Variants in GABRB1 observed in about 807,000 individuals in gnomAD.
GABRB1 encodes gamma-aminobutyric acid type A receptor subunit beta1.
Under a neutral mutation model 51.6 loss-of-function variants are expected in GABRB1, and 17 were observed. That is an observed-to-expected ratio of 0.33 (90% confidence interval 0.23 to 0.49). The LOEUF (loss-of-function observed/expected upper bound fraction) is 0.49. Among genes scored for constraint, GABRB1 ranks in the 20% least tolerant of loss-of-function variants. The pLI, the probability that GABRB1 is intolerant of heterozygous loss-of-function variation, is 0.99. For missense variants in GABRB1, 410 were observed against 600.6 expected (o/e 0.68, Z 3.32); for synonymous variants, 247 against 218.9 (o/e 1.13, Z -1.14).
rs1056287803 is a variant in GABRB1, at chr4:47,244,398, A to C, written c.462-75729A>C. ...GGTATCAGGATGATGCTGGCCTCAT[A>C]CAATGAGTTAGAGAGGATTCCCTCT... is the stretch of plus-strand genomic sequence containing the variant. On this transcript the variant is annotated intron_variant, in intron 4 of 8. Coordinates refer to ENST00000295454, the MANE Select transcript of GABRB1 (RefSeq NM_000812.4). 9.2e-5 allele frequency among the ~76,000 whole-genome samples: 14 copies of C among 152,268 alleles called. 1 individual carries two copies. Among genetic ancestry groups the C allele is most frequent in the Admixed American group, 7.2e-4 (11 of 15,292 alleles).
intron 1 of GABRB1, among the ~76,000 whole-genome samples, chr4:47,013,361 T>C (rs1167335099): frequency 1.3e-5 from 2 of 152,178 alleles, no homozygotes; most frequent in Admixed American, 6.5e-5. Flanking sequence ...GGTTTCACCA[T>C]GTTGGCCAGG....
intron 4 of GABRB1, among the ~76,000 whole-genome samples, chr4:47,292,494 G>A (rs1388572811): frequency 6.6e-6 from 1 of 152,196 alleles, no homozygotes; most frequent in Non-Finnish European, 1.5e-5. Context: ...CCCCTTGAGG[G>A]CTCTAATAAA....
chr4:47,223,962 G>A (rs989628935), intron 4 of GABRB1, among the ~76,000 whole-genome samples: 1 of 151,942 alleles, frequency 6.6e-6, no homozygotes, highest in Admixed American at 6.6e-5. Flanking sequence ...TGGAAAATAT[G>A]ACTTATTTTT....
At chr4:47,141,391 G>A (rs1234624656) in intron 3 of GABRB1, among the ~76,000 whole-genome samples, 1 of 151,874 alleles carries the variant, frequency 6.6e-6, no homozygotes, top group Non-Finnish European at 1.5e-5. Flanking sequence ...TTGAAATTTA[G>A]AATTTGAGAA....
At chr4:47,291,398 G>A (rs898943988) in intron 4 of GABRB1, among the ~76,000 whole-genome samples, 6 of 152,318 alleles carry the variant, frequency 3.9e-5, no homozygotes, top group Non-Finnish European at 8.8e-5. Context: ...ACCTCTGCTA[G>A]GGCAGTGCAG....
At chr4:47,167,400 C>A (rs376283479) in intron 4 of GABRB1, among the ~76,000 whole-genome samples, 2 of 151,342 alleles carry the variant, frequency 1.3e-5, no homozygotes, top group East Asian at 1.9e-4. Context: ...GAGCATTTAA[C>A]CTCCTTGAAA....
chr4:47,305,344 A>T (rs1724427727), intron 4 of GABRB1, among the ~76,000 whole-genome samples: 1 of 152,164 alleles, frequency 6.6e-6, no homozygotes, highest in Non-Finnish European at 1.5e-5. Context: ...TTTAGTCAGG[A>T]GAAAGAAAAT....
rs77252334 is a variant in GABRB1, at chr4:47,113,822, T to C, written c.241-47427T>C. Among the ~76,000 whole-genome samples, 244 of 152,364 alleles carry C rather than the reference T, an allele frequency of 1.6e-3. 5 individuals are homozygous for C. In the East Asian group the frequency reaches 0.035, roughly 22 times the overall value. On this transcript the variant is annotated intron_variant, in intron 3 of 8. Transcript: ENST00000295454. The stretch of plus-strand genomic sequence containing the variant: ...TTACCAAATATTTTCTATTTTTCAA[T>C]TTATTCAGCCCCGCAGTTCTGTTTT...
intron 3 of GABRB1, among the ~76,000 whole-genome samples, chr4:47,091,581 C>T (rs1229609350): frequency 1.3e-5 from 2 of 152,264 alleles, no homozygotes; most frequent in East Asian, 3.9e-4. Context: ...GTTCCTCCAG[C>T]TAGAAGCCAC....
intron 3 of GABRB1, among the ~76,000 whole-genome samples, chr4:47,053,005 T>C (rs1560512765): frequency 6.6e-6 from 1 of 152,156 alleles, no homozygotes; most frequent in Non-Finnish European, 1.5e-5. Flanking sequence ...GACACTGAGA[T>C]GAATATTTGT....
At chr4:47,122,499 T>G (rs993763179) in intron 3 of GABRB1, among the ~76,000 whole-genome samples, 1 of 152,174 alleles carries the variant, frequency 6.6e-6, no homozygotes, top group African/African-American at 2.4e-5. Context: ...AAAAGGTAAT[T>G]CTAACATATC....
intron 4 of GABRB1, among the ~76,000 whole-genome samples, chr4:47,200,340 C>A (rs1719850612): frequency 6.6e-6 from 1 of 152,102 alleles, no homozygotes. Flanking sequence ...TGAGGTAGGG[C>A]AGTTGACAAG....
At chr4:47,294,966 G>A (rs1440926948) in intron 4 of GABRB1, among the ~76,000 whole-genome samples, 2 of 152,204 alleles carry the variant, frequency 1.3e-5, no homozygotes, top group Admixed American at 6.5e-5. Context: ...CCGCTGTTCT[G>A]CAGCCACCAC....
chr4:47,249,155 A>G (rs1721883008), intron 4 of GABRB1, among the ~76,000 whole-genome samples: 1 of 152,064 alleles, frequency 6.6e-6, no homozygotes, highest in African/African-American at 2.4e-5. Context: ...AGGGATATGA[A>G]CTTTCCTCTT....
At chr4:47,258,793 C>T (rs184866190) in intron 4 of GABRB1, among the ~76,000 whole-genome samples, 1 of 152,114 alleles carries the variant, frequency 6.6e-6, no homozygotes, top group East Asian at 1.9e-4. Context: ...ATTTATTTTC[C>T]TAAAAAGTGT....
rs570280251 is a variant in GABRB1, at chr4:47,058,146, G to T, written c.240+25662G>T. Among the ~76,000 whole-genome samples, 5 of 152,298 alleles carry T rather than the reference G, an allele frequency of 3.3e-5. No homozygotes were observed. The East Asian group carries it at 9.7e-4, about 29-fold the overall frequency. ...TATATAGCCTGTGAGGTTAAAGAAGGTCAAGGATTCACGAGATGCTGATAA... is the reference window on the plus strand; with the variant it reads ...TATATAGCCTGTGAGGTTAAAGAAGTTCAAGGATTCACGAGATGCTGATAA... On this transcript the variant is annotated intron_variant, in intron 3 of 8. Coordinates refer to ENST00000295454, the MANE Select transcript of GABRB1 (RefSeq NM_000812.4).
At chr4:47,340,816 C>A (rs138129130) in intron 5 of GABRB1, among the ~76,000 whole-genome samples, 18 of 152,254 alleles carry the variant, frequency 1.2e-4, no homozygotes, top group African/African-American at 4.1e-4. Flanking sequence ...AAAAAATTTT[C>A]ACCATCTTTT....
chr4:47,047,034 A>G (rs989666113), intron 3 of GABRB1, among the ~76,000 whole-genome samples: 1 of 152,078 alleles, frequency 6.6e-6, no homozygotes, highest in African/African-American at 2.4e-5. Flanking sequence ...AAAAACAACT[A>G]ATGGGTACTA....
chr4:47,356,732 G>T (rs567814252), intron 5 of GABRB1, among the ~76,000 whole-genome samples: 111 of 152,192 alleles, frequency 7.3e-4, no homozygotes, highest in African/African-American at 2.6e-3. Context: ...TATTCAGAAA[G>T]CTTCCATCCC....
Sources: allele counts gnomAD v4.1 joint callset (sites outside exome capture counted in the v4.1 genomes callset), GRCh38; gene constraint gnomAD v4.1.1; transcripts MANE v1.5; gene names NCBI Gene and HGNC (gene_info 2026-07-23, HGNC 2026-07-21).